ACSS3: variants seen among roughly 807,000 people sequenced by gnomAD.
The protein encoded by ACSS3 is acyl-CoA synthetase short chain family member 3.
Under a neutral mutation model 84.2 loss-of-function variants are expected in ACSS3, and 64 were observed. That is an observed-to-expected ratio of 0.76 (90% CI 0.62 to 0.94). The LOEUF is 0.94. ACSS3 is among the 40% of genes least tolerant of loss of function. The pLI, the probability that ACSS3 is intolerant of heterozygous loss-of-function variation, is 0.00. For synonymous variants in ACSS3, 317 were observed against 310.1 expected, an observed-to-expected ratio of 1.02 and a Z score of -0.23; for missense variants, 815 against 867.6, an observed-to-expected ratio of 0.94 and a Z score of 0.76.
At chr12:81,134,142 T>TA (rs143767508) in intron 2 of ACSS3, among the ~76,000 whole-genome samples, 65 of 151,276 alleles carry the variant, frequency 4.3e-4, no homozygotes, top group East Asian at 2.3e-3. Flanking sequence ...ATAATTAGTG[T>TA]AAAAAAAAAC....
At chr12:81,224,525 CAT>C (rs950178118) in intron 11 of ACSS3, among the ~76,000 whole-genome samples, 1 of 150,368 alleles carries the variant, frequency 6.7e-6, no homozygotes, top group African/African-American at 2.4e-5. Context: ...CACATGTTTA[CAT>C]ATATATATGC....
At chr12:81,193,747 ACT>A (rs1489992977) in intron 8 of ACSS3, among the ~76,000 whole-genome samples, 1 of 151,858 alleles carries the variant, frequency 6.6e-6, no homozygotes, top group East Asian at 1.9e-4. Flanking sequence ...TGATTATTAA[ACT>A]CTTGAATTAG....
At chr12:81,243,228 G>A (rs557467403) in intron 13 of ACSS3, among the ~76,000 whole-genome samples, 2 of 152,128 alleles carry the variant, frequency 1.3e-5, no homozygotes, top group Admixed American at 1.3e-4. Context: ...GACAAACAGA[G>A]AGCCAAATCA....
intron 1 of ACSS3, among the ~76,000 whole-genome samples, chr12:81,093,156 GA>G (rs1244685825): frequency 1.3e-5 from 2 of 152,096 alleles, no homozygotes; most frequent in African/African-American, 4.8e-5. Context: ...TATTTATTCA[GA>G]AATAATTCTG....
intron 9 of ACSS3, among the ~76,000 whole-genome samples, chr12:81,203,123 A>T (rs2032184128): frequency 6.6e-6 from 1 of 152,146 alleles, no homozygotes; most frequent in East Asian, 1.9e-4. Flanking sequence ...TTGAGAACTC[A>T]GGGGGCCACT....
intron 9 of ACSS3, among the ~76,000 whole-genome samples, chr12:81,206,221 A>G (rs942153403): frequency 3.3e-5 from 5 of 152,060 alleles, no homozygotes; most frequent in African/African-American, 9.7e-5. Context: ...AAATTGCACT[A>G]TGGTGGGAGG....
At chr12:81,244,905 CTG>C (rs146316314) in intron 13 of ACSS3, among the ~76,000 whole-genome samples, 9,178 of 147,608 alleles carry the variant, frequency 0.062, 473 homozygotes, top group African/African-American at 0.13. Context: ...TCTATTCAAA[CTG>C]TGTGTGTGTG....
At chr12:81,153,384 G>A (rs1411298606) in intron 7 of ACSS3, among the ~76,000 whole-genome samples, 1 of 150,848 alleles carries the variant, frequency 6.6e-6, no homozygotes, top group Non-Finnish European at 1.5e-5. Flanking sequence ...CTCCAGCCTG[G>A]GCGACAGAGT....
intron 1 of ACSS3, among the ~76,000 whole-genome samples, chr12:81,080,276 G>T (rs1444069547): frequency 6.6e-6 from 1 of 151,936 alleles, no homozygotes; most frequent in Non-Finnish European, 1.5e-5. Context: ...GAGTGTCAAT[G>T]TCCCAGCAAG....
At chr12:81,086,532 G>C (rs1341406528) in intron 1 of ACSS3, among the ~76,000 whole-genome samples, 1 of 152,122 alleles carries the variant, frequency 6.6e-6, no homozygotes, top group Non-Finnish European at 1.5e-5. Flanking sequence ...TGGATTGCCT[G>C]GCAAATGGCG....
In ACSS3 at chr12:81,174,798, T is replaced by C; in HGVS notation, c.1109T>C (p.Val370Ala). 6.2e-7 allele frequency: 1 copy of C among 1,613,090 alleles called. No individual in the cohort carries two copies. The highest frequency in any genetic ancestry group is 8.5e-7 in the Non-Finnish European group (1 of 1,179,386). ...TGAATCTCATTGTAGGGGAAGCCTG[T>C]GGGAACACCAGATGCTGGCGCTTAT... ...NTTVLYEGKP[V>A]GTPDAGAYFR... is the part of the protein sequence containing the mutation. The change falls in exon 8 of 16, where the codon GTG (valine) becomes GCG (alanine). Residue 370 changes from valine (V) to alanine (A), a missense_variant. Val to Ala is a moderately conservative substitution (Grantham distance 64, BLOSUM62 0). Coordinates refer to ENST00000548058, the MANE Select transcript of ACSS3 (RefSeq NM_024560.4).
chr12:81,187,712 G>A (rs902530870), intron 8 of ACSS3, among the ~76,000 whole-genome samples: 8 of 151,808 alleles, frequency 5.3e-5, no homozygotes, highest in Non-Finnish European at 4.4e-5. Context: ...ACCTCTATCT[G>A]TTTCCTATAT....
At chr12:81,126,621 A>G (rs752232382) in intron 2 of ACSS3, among the ~76,000 whole-genome samples, 1 of 152,196 alleles carries the variant, frequency 6.6e-6, no homozygotes, top group African/African-American at 2.4e-5. Context: ...GACTGAGCAC[A>G]TATACATAGG....
intron 5 of ACSS3, among the ~76,000 whole-genome samples, chr12:81,146,919 G>T (rs1331091189): frequency 1.3e-5 from 2 of 151,834 alleles, no homozygotes; most frequent in East Asian, 3.9e-4. Flanking sequence ...GAAATCAAAA[G>T]GAAAAGATTG....
chr12:81,213,957 C>CTTTCTTTCTTTCTTTCTTTCTT (rs1165408959), intron 9 of ACSS3, among the ~76,000 whole-genome samples: 10 of 49,140 alleles, frequency 2.0e-4, no homozygotes, highest in Non-Finnish European at 2.9e-4. Context: ...CTCCCTCTCT[C>CTTTCTTTCTTTCTTTCTTTCTT]TCTTTCTTTC....
chr12:81,105,716 T>G (rs982517396), intron 1 of ACSS3, among the ~76,000 whole-genome samples: 1 of 152,234 alleles, frequency 6.6e-6, no homozygotes, highest in Non-Finnish European at 1.5e-5. Context: ...GCTGTATATA[T>G]TCTCCTTGTA....
At chr12:81,245,787 T>TA (rs1332116848) in intron 13 of ACSS3, among the ~76,000 whole-genome samples, 1 of 152,182 alleles carries the variant, frequency 6.6e-6, no homozygotes, top group Admixed American at 6.5e-5. Context: ...TTGTTTCTGT[T>TA]ATTGTTTTTT....
chr12:81,251,938 T>C (rs2034168046), intron 13 of ACSS3, among the ~76,000 whole-genome samples: 1 of 152,118 alleles, frequency 6.6e-6, no homozygotes, highest in Non-Finnish European at 1.5e-5. Context: ...TTTATCACCT[T>C]CCCAGGAATG....
At position 81,107,503 on chromosome 12, in the gene ACSS3, AATATATACATATATATATATATATATAT is replaced by A. The variant is rs1462618525; in HGVS notation, c.312-2049_312-2022del. ...AGAAATGTTTTTTTTTTCAGGTACA[AATATATACATATATATATATATATATAT>A]ATATATATATATATATATATATATA... On this transcript the variant is annotated intron_variant, in intron 1 of 15. Coordinates refer to ENST00000548058, the MANE Select transcript of ACSS3 (RefSeq NM_024560.4). Among the ~76,000 whole-genome samples, 62 of 59,574 alleles carry A rather than the reference AATATATACATATATATATATATATATAT, an allele frequency of 1.0e-3. 1 individual carries two copies. In the South Asian group the frequency reaches 0.015, roughly 14 times the overall value. The allele number at this position is 59,574 out of a possible 152,430, so 39.1% of individuals were successfully genotyped here.
Sources: allele counts gnomAD v4.1 joint callset (sites outside exome capture counted in the v4.1 genomes callset), GRCh38; gene constraint gnomAD v4.1.1; transcripts MANE v1.5; gene names NCBI Gene and HGNC (gene_info 2026-07-23, HGNC 2026-07-21).